The following PROSER2 variants were observed in gnomAD, a reference collection of about 807,000 sequenced individuals.
PROSER2 encodes the protein proline and serine rich 2.
A neutral mutation model predicts 14.6 loss-of-function variants in PROSER2; 18 were observed. That is an observed-to-expected ratio of 1.23 (90% confidence interval 0.85 to 1.83). The LOEUF is 1.83. PROSER2 is among the 40% of genes most tolerant of loss of function. PROSER2 has a pLI of 0.00. For missense variants in PROSER2, 823 were observed against 629.8 expected, an observed-to-expected ratio of 1.31 and a Z score of -3.28; for synonymous variants, 367 against 286.4, an observed-to-expected ratio of 1.28 and a Z score of -2.84.
chr10:11,869,525 G>C lies in PROSER2; in HGVS notation c.427G>C (p.Asp143His). The C allele has an allele frequency of 6.2e-7, 1 of 1,613,846 alleles. No individual in the cohort carries two copies. The highest frequency in any genetic ancestry group is 1.6e-4 in the Middle Eastern group (1 of 6,062). Residue 143 changes from aspartate to histidine, a missense_variant, in exon 4 of 4, where the codon GAT (aspartate) becomes CAT (histidine). Asp to His is a moderately conservative substitution (Grantham distance 81). Coordinates refer to ENST00000277570, the MANE Select transcript of PROSER2 (RefSeq NM_153256.4). This position sits in a 1 kb window ranked among gnomAD's most constrained non-coding sequence, Gnocchi z 4.4. The part of the protein sequence containing the change: ...APAGKEHRKQ[D>H]AETPPPPDPP... The stretch of plus-strand genomic sequence containing the variant: ...TGCTGGGAAGGAGCACAGGAAACAA[G>C]ATGCTGAGACTCCTCCACCTCCAGA...
chr10:11,829,679 A>AT (rs1473397004), intron 1 of PROSER2, among the ~76,000 whole-genome samples: 2 of 118,490 alleles, frequency 1.7e-5, no homozygotes, highest in African/African-American at 6.5e-5. Context: ...GTTTCTTTAT[A>AT]TGCCACAAAT....
rs953838601 is a variant in PROSER2, at chr10:11,834,082, C to T, written c.-82+10612C>T. Among the ~76,000 whole-genome samples the T allele has an allele frequency of 5.1e-5, 7 of 138,126 alleles. No homozygotes were observed. The East Asian group carries it at 9.1e-4, about 18-fold the overall frequency. The allele number at this position is 138,126 out of a possible 152,430, so 90.6% of individuals were successfully genotyped here. A position where few individuals can be genotyped will look rare whatever the true frequency, so the allele number is the denominator to read the frequency against. On this transcript the variant is annotated intron_variant, in intron 1 of 3. Coordinates refer to ENST00000277570, the MANE Select transcript of PROSER2 (RefSeq NM_153256.4). ...CAGTCTCAGCTCACTGCAACCTCTG[C>T]TTCTCGGGTTCAAGCGATTCTCCTG...
chr10:11,869,569 C>A lies in PROSER2; in HGVS notation c.471C>A (p.Thr157=), dbSNP rs925193740. The change falls in exon 4 of 4, where the codon ACC becomes ACA. Residue 157 remains threonine (T), a synonymous_variant. Transcript: ENST00000277570. This position sits in a 1 kb window ranked among gnomAD's most constrained non-coding sequence, Gnocchi z 4.4. The part of the protein sequence containing the change: ...PPPPDPPAPE[T]LLAPPPLPST... Reference sequence around the variant, plus strand: ...CTCCAGACCCCCCGGCTCCCGAGACCCTTCTTGCGCCACCACCCCTGCCTA... The same window carrying A: ...CTCCAGACCCCCCGGCTCCCGAGACACTTCTTGCGCCACCACCCCTGCCTA... 19 of 1,611,730 alleles carry A rather than the reference C, an allele frequency of 1.2e-5. No individual in the cohort carries two copies. Among genetic ancestry groups the A allele is most frequent in the Admixed American group, 1.0e-4 (6 of 59,962 alleles).
rs1364520576 is a variant in PROSER2, at chr10:11,838,555, T to C, written c.-81-13442T>C. ...GCTGAGCAGTGGAATGTGTGGCTCG[T>C]AGGACACGCTTAGTTTCTCTAAGTA... On this transcript the variant is annotated intron_variant, in intron 1 of 3. Transcript: ENST00000277570. The surrounding 1 kb of genome is among the most constrained non-coding windows in gnomAD (Gnocchi z 4.4). 6.6e-6 allele frequency among the ~76,000 whole-genome samples: 1 copy of C among 152,238 alleles called. No homozygotes were observed. The highest frequency in any genetic ancestry group is 2.4e-5 in the African/African-American group (1 of 41,458).
At position 11,838,474 on chromosome 10, in the gene PROSER2, C is replaced by T. The variant is rs936422947; in HGVS notation, c.-81-13523C>T. Among the ~76,000 whole-genome samples the T allele has an allele frequency of 7.2e-5, 11 of 152,250 alleles. No individual in the cohort carries two copies. The highest frequency in any genetic ancestry group is 2.7e-4 in the African/African-American group (11 of 41,466). ...TCTCAACAGCAGGCAACACTGTATA[C>T]CCATCCCGGCACGTGTTTCCACATG... is the stretch of plus-strand genomic sequence containing the variant. On this transcript the variant is annotated intron_variant, in intron 1 of 3. Transcript: ENST00000277570. The surrounding 1 kb of genome is among the most constrained non-coding windows in gnomAD (Gnocchi z 4.4).
At chr10:11,842,220 C>CA (rs112257438) in intron 1 of PROSER2, among the ~76,000 whole-genome samples, 20,808 of 135,042 alleles carry the variant, frequency 0.15, 1,528 homozygotes, top group Non-Finnish European at 0.17. Flanking sequence ...GACTCAGTCT[C>CA]AAAAAAAAAA....
chr10:11,859,240 G>A (rs1834188475), intron 2 of PROSER2, among the ~76,000 whole-genome samples: 3 of 151,844 alleles, frequency 2.0e-5, no homozygotes, highest in Non-Finnish European at 4.4e-5. Context: ...TGGCCAAAAC[G>A]CTGAAACCCC....
rs1833679978 is a variant in PROSER2 at position 11,830,770 on chromosome 10, A to G, written c.-82+7300A>G. On this transcript the variant is annotated intron_variant, in intron 1 of 3. Coordinates refer to ENST00000277570, the MANE Select transcript of PROSER2 (RefSeq NM_153256.4). The surrounding 1 kb of genome is among the most constrained non-coding windows in gnomAD (Gnocchi z 4.5). ...ATTTGGTGGTCCCCATTGCTTAAAA[A>G]TGTGCTAAAAACCCCTGCTTTCTCT... Among the ~76,000 whole-genome samples the G allele has an allele frequency of 6.6e-6, 1 of 152,212 alleles. No individual in the cohort carries two copies. The highest frequency in any genetic ancestry group is 6.5e-5 in the Admixed American group (1 of 15,282).
intron 1 of PROSER2, among the ~76,000 whole-genome samples, chr10:11,828,911 GTC>G (rs1833652756): frequency 6.6e-6 from 1 of 152,134 alleles, no homozygotes; most frequent in South Asian, 2.1e-4. Flanking sequence ...AGGACAGAGA[GTC>G]TTTCTGTCAG....
At chr10:11,863,133 C>T (rs1834276010) in intron 2 of PROSER2, 1 of 152,190 alleles carries the variant, frequency 6.6e-6, no homozygotes, top group East Asian at 1.9e-4. Context: ...ATCCTTCTTT[C>T]AGGATTAAGC....
Position 11,850,586 on chromosome 10 carries a change from T to C in PROSER2, c.-81-1411T>C, listed in dbSNP as rs1394162929. On this transcript the variant is annotated intron_variant, in intron 1 of 3. Coordinates refer to ENST00000277570, the MANE Select transcript of PROSER2 (RefSeq NM_153256.4). ...GTCTTTATTTTACTATTTGGAATAG[T>C]GGCAACTTTATGTATATGCATATCA... 2.0e-5 allele frequency: 3 copies of C among 152,230 alleles called. No individual in the cohort carries two copies. The East Asian group carries it at 5.8e-4, about 29-fold the overall frequency. The allele number at this position is 152,230 out of a possible 1,614,324, so 9.4% of individuals were successfully genotyped here.
intron 1 of PROSER2, among the ~76,000 whole-genome samples, chr10:11,834,715 A>G (rs1728627057): frequency 6.6e-6 from 1 of 152,144 alleles, no homozygotes; most frequent in African/African-American, 2.4e-5. Flanking sequence ...AGTCTGGGTG[A>G]CAGAGCAAGA....
At chr10:11,833,815 G>A (rs909617583) in intron 1 of PROSER2, among the ~76,000 whole-genome samples, 1 of 152,098 alleles carries the variant, frequency 6.6e-6, no homozygotes, top group African/African-American at 2.4e-5. Context: ...CATAGAGTGA[G>A]CAAGTGGTGG....
chr10:11,840,731 C>A (rs1386531004), intron 1 of PROSER2, among the ~76,000 whole-genome samples: 1 of 151,548 alleles, frequency 6.6e-6, no homozygotes, highest in African/African-American at 2.4e-5. Context: ...TCGAGACCAG[C>A]CTGGCCAACA....
At position 11,823,957 on chromosome 10, in the gene PROSER2, G is replaced by A. The variant is rs1833577375; in HGVS notation, c.-82+487G>A. Among the ~76,000 whole-genome samples the A allele has an allele frequency of 6.6e-6, 1 of 152,036 alleles. No individual in the cohort carries two copies. On this transcript the variant is annotated intron_variant, in intron 1 of 3. Coordinates refer to ENST00000277570, the MANE Select transcript of PROSER2 (RefSeq NM_153256.4). This position sits in a 1 kb window ranked among gnomAD's most constrained non-coding sequence, Gnocchi z 6.2. ...CCAGGTCCTGGAATCACGCGGGGAT[G>A]TGCAGGGTCTGCCCAGCCCAGCGCG...
Position 11,870,192 on chromosome 10 carries a change from C to T in PROSER2, c.1094C>T (p.Ser365Phe), listed in dbSNP as rs1339419736. The change falls in exon 4 of 4, where the codon TCC becomes TTC. Residue 365 changes from serine (S) to phenylalanine (F), a missense_variant. By Grantham distance (155) the Ser-to-Phe change is radical. Coordinates refer to ENST00000277570, the MANE Select transcript of PROSER2 (RefSeq NM_153256.4). ...APSSFAPAGKSLCFRPGPALP... is the reference protein window; with the variant it reads ...APSSFAPAGKFLCFRPGPALP... ...AGCTCCTTCGCGCCCGCTGGGAAGTCCCTCTGCTTCCGCCCTGGCCCGGCC... is the reference window on the plus strand; with the variant it reads ...AGCTCCTTCGCGCCCGCTGGGAAGTTCCTCTGCTTCCGCCCTGGCCCGGCC... 1.3e-6 allele frequency: 2 copies of T among 1,488,292 alleles called. No homozygotes were observed. The highest frequency in any genetic ancestry group is 1.5e-5 in the African/African-American group (1 of 68,158). The allele number at this position is 1,488,292 out of a possible 1,614,324, so 92.2% of individuals were successfully genotyped here. A position where few individuals can be genotyped will look rare whatever the true frequency, so the allele number is the denominator to read the frequency against.
At chr10:11,839,718 G>A (rs375907806) in intron 1 of PROSER2, among the ~76,000 whole-genome samples, 8 of 151,244 alleles carry the variant, frequency 5.3e-5, no homozygotes, top group African/African-American at 1.9e-4. Context: ...CCAGCTACTC[G>A]GGAGGCTGAG....
chr10:11,861,863 G>A (rs769670442), intron 2 of PROSER2, among the ~76,000 whole-genome samples: 35 of 152,132 alleles, frequency 2.3e-4, no homozygotes, highest in Non-Finnish European at 4.7e-4. Flanking sequence ...AAGGGTAGGC[G>A]GAGCCATAGC....
At chr10:11,828,296 T>C (rs1197779647) in intron 1 of PROSER2, among the ~76,000 whole-genome samples, 1 of 124,476 alleles carries the variant, frequency 8.0e-6, no homozygotes, top group Non-Finnish European at 1.8e-5. Context: ...AGGAACTCTC[T>C]GTGTGAAAAA....
Sources: gnomAD v4.1 joint callset for allele counts (sites outside exome capture counted in the v4.1 genomes callset) on GRCh38, gnomAD v4.1.1 for gene constraint, Gnocchi (gnomAD v3.1) non-coding constraint, MANE v1.5 for transcripts, NCBI Gene and HGNC (gene_info 2026-07-23, HGNC 2026-07-21) for gene names.